Variants in ALG5 observed in about 807,000 individuals in gnomAD.
ALG5 encodes the protein ALG5 dolichyl-phosphate beta-glucosyltransferase, also known as dolichyl-phosphate beta-glucosyltransferase.
A neutral mutation model predicts 51.8 loss-of-function variants in ALG5; 26 were observed. The observed-to-expected ratio is 0.50, with a 90% CI of 0.37 to 0.70. The LOEUF (loss-of-function observed/expected upper bound fraction) is 0.70, where lower values mean the gene tolerates loss of function less well. Ranked by LOEUF, ALG5 falls within the 30% of genes least tolerant of loss-of-function variation. The pLI is 0.00. For missense variants in ALG5, 311 were observed against 399.3 expected, an observed-to-expected ratio of 0.78 and a Z score of 1.88; for synonymous variants, 141 against 136.1, an observed-to-expected ratio of 1.04 and a Z score of -0.25.
Position 36,949,953 on chromosome 13 carries a change from T to G in ALG5, c.964A>C (p.Lys322Gln). ...AGACTGCAAACAACCTAATTCATTT[T>G]CCGAGTTTGCTCAAGCCTCCAGGCA... ...TGAWRLEQTR[K>Q]MN Residue 322 changes from lysine (K) to glutamine (Q), a missense_variant, in exon 10 of 10, where the codon AAA (lysine) becomes CAA (glutamine). Transcript: ENST00000239891. 6.2e-7 allele frequency: 1 copy of G among 1,609,864 alleles called. No homozygotes were observed. The highest frequency in any genetic ancestry group is 1.1e-5 in the South Asian group (1 of 90,376).
intron 7 of ALG5, among the ~76,000 whole-genome samples, chr13:36,971,481 T>C (rs911090201): frequency 6.6e-6 from 1 of 151,812 alleles, no homozygotes; most frequent in Non-Finnish European, 1.5e-5. Flanking sequence ...ACCCTGTCTC[T>C]ACCAAAATAC....
chr13:36,994,953 A>C (rs754397975), intron 3 of ALG5, 36 bp downstream of exon 3: 2 of 1,587,962 alleles, frequency 1.3e-6, no homozygotes, highest in South Asian at 2.2e-5. Flanking sequence ...TCTAGTTTTA[A>C]TTGGAGATAT....
At position 36,958,903 on chromosome 13, in the gene ALG5, C is replaced by G. The variant is rs571572891; in HGVS notation, c.774-6304G>C. Among the ~76,000 whole-genome samples, 11 of 152,136 alleles carry G rather than the reference C, an allele frequency of 7.2e-5. 1 individual carries two copies. The South Asian group carries it at 1.5e-3, about 20-fold the overall frequency. ...GGGATTATAAACCCAGGCATTCGAG[C>G]AGGAAGTGGCAACCCCCTTTGGGTC... On this transcript the variant is annotated intron_variant, in intron 8 of 9. Coordinates refer to ENST00000239891, the MANE Select transcript of ALG5 (RefSeq NM_013338.5).
intron 7 of ALG5, 72 bp from the exon 8 acceptor site, chr13:36,965,798 T>C: frequency 3.1e-6 from 4 of 1,300,838 alleles, no homozygotes; most frequent in Non-Finnish European, 4.3e-6. Flanking sequence ...CACCTGGCTG[T>C]AGACAACTGT....
chr13:36,981,959 C>T (rs1008855031), intron 6 of ALG5, among the ~76,000 whole-genome samples: 6 of 152,112 alleles, frequency 3.9e-5, no homozygotes, highest in African/African-American at 7.2e-5. Context: ...GGCATGGTGG[C>T]AGGCGCCTGT....
chr13:36,967,410 A>T (rs2058899868), intron 7 of ALG5, among the ~76,000 whole-genome samples: 1 of 152,138 alleles, frequency 6.6e-6, no homozygotes, highest in Non-Finnish European at 1.5e-5. Flanking sequence ...GGATTAAATG[A>T]GATTATTTTA....
At chr13:36,973,468 T>C (rs765533321) in intron 6 of ALG5, among the ~76,000 whole-genome samples, 10 of 152,198 alleles carry the variant, frequency 6.6e-5, no homozygotes, top group Non-Finnish European at 1.5e-4. Context: ...GCTTCTTAAC[T>C]GAATAATGGG....
intron 6 of ALG5, 88 bp downstream of exon 6, chr13:36,985,539 A>T: frequency 1.9e-6 from 2 of 1,043,202 alleles, no homozygotes; most frequent in Non-Finnish European, 2.8e-6. Flanking sequence ...CTCAGTTTTT[A>T]AACTGATAGG....
intron 5 of ALG5, 88 bp from the exon 6 acceptor site, chr13:36,985,828 TAA>T: frequency 1.2e-6 from 1 of 815,866 alleles, no homozygotes. Context: ...TTAAAATACC[TAA>T]GAGTGAAAGA....
chr13:36,981,883 T>C (rs927513562), intron 6 of ALG5, among the ~76,000 whole-genome samples: 1 of 152,154 alleles, frequency 6.6e-6, no homozygotes, highest in Admixed American at 6.5e-5. Flanking sequence ...AGTCAGGAGA[T>C]AGAGACCATC....
chr13:36,960,161 A>G (rs1318536432), intron 8 of ALG5, among the ~76,000 whole-genome samples: 2 of 152,188 alleles, frequency 1.3e-5, no homozygotes, highest in Non-Finnish European at 2.9e-5. Context: ...TATGACTATC[A>G]ATACTGACAA....
intron 4 of ALG5, among the ~76,000 whole-genome samples, chr13:36,991,706 G>A (rs1201485556): frequency 7.9e-5 from 12 of 152,194 alleles, no homozygotes; most frequent in Non-Finnish European, 1.5e-4. Flanking sequence ...AGGGAGGGGT[G>A]AGGACTTCTG....
intron 6 of ALG5, among the ~76,000 whole-genome samples, chr13:36,984,976 T>C (rs537800122): frequency 1.6e-4 from 25 of 152,156 alleles, no homozygotes; most frequent in Non-Finnish European, 3.2e-4. Flanking sequence ...TGTGTGGTGG[T>C]AGGTATATTG....
intron 4 of ALG5, among the ~76,000 whole-genome samples, chr13:36,989,989 T>A (rs755964639): frequency 3.3e-5 from 5 of 152,226 alleles, no homozygotes; most frequent in Non-Finnish European, 5.9e-5. Flanking sequence ...TGGTCTGCAA[T>A]CGCTCTTATT....
chr13:36,989,720 A>G, intron 4 of ALG5, 144 bp from the exon 5 acceptor site: 1 of 604,626 alleles, frequency 1.7e-6, no homozygotes. Context: ...CATTCTGATG[A>G]CCTGGAGGAG....
At chr13:36,998,880 G>A in intron 1 of ALG5, 1 of 218,762 alleles carries the variant, frequency 4.6e-6, no homozygotes, top group Non-Finnish European at 9.0e-6. Context: ...TGCAGCGGCT[G>A]CAGGTCCCGG....
chr13:36,996,102 A>AT (rs1487149116), intron 1 of ALG5, among the ~76,000 whole-genome samples: 1 of 152,246 alleles, frequency 6.6e-6, no homozygotes, highest in Non-Finnish European at 1.5e-5. Flanking sequence ...TAAAAGGAAG[A>AT]TTCCCCAGAC....
intron 6 of ALG5, among the ~76,000 whole-genome samples, chr13:36,973,680 A>G (rs1171293803): frequency 6.6e-6 from 1 of 152,216 alleles, no homozygotes; most frequent in South Asian, 2.1e-4. Flanking sequence ...AATATTGGCA[A>G]TTTATACTAC....
rs1156606736 is a variant in ALG5, at chr13:36,995,472, G to A, written c.191C>T (p.Thr64Ile). ...AGGCACAACGACAGAAAGTTGTTTG[G>A]TAGGTGAGTCCCATATGCTGGGTAA... ...ETLPSIWDSPTKQLSVVVPSY... is the reference protein window; with the variant it reads ...ETLPSIWDSPIKQLSVVVPSY... The change falls in exon 2 of 10, where the codon ACC becomes ATC. Residue 64 changes from threonine (T) to isoleucine (I), a missense_variant. Transcript: ENST00000239891. The A allele has an allele frequency of 1.2e-6, 2 of 1,612,942 alleles. No individual in the cohort carries two copies. The highest frequency in any genetic ancestry group is 4.5e-5 in the East Asian group (2 of 44,846).
Sources: allele counts gnomAD v4.1 joint callset (sites outside exome capture counted in the v4.1 genomes callset), GRCh38; gene constraint gnomAD v4.1.1; transcripts MANE v1.5; gene names NCBI Gene and HGNC (gene_info 2026-07-23, HGNC 2026-07-21).